The following FAT1 variants were observed in gnomAD, a reference collection of about 807,000 sequenced individuals.
FAT1 encodes protocadherin Fat 1.
Under a neutral mutation model 329.8 loss-of-function variants are expected in FAT1, and 171 were observed. That is an observed-to-expected ratio of 0.52 (90% CI 0.46 to 0.59). FAT1 has a LOEUF of 0.59. Among genes scored for constraint, FAT1 ranks in the 20% least tolerant of loss-of-function variants. The pLI is 0.00. For synonymous variants in FAT1, 2,233 were observed against 2,228.6 expected (o/e 1.00, Z -0.06); for missense variants, 5,672 against 5,774.4 (o/e 0.98, Z 0.57).
intron 2 of FAT1, among the ~76,000 whole-genome samples, chr4:186,672,470 T>G (rs1742774024): frequency 6.6e-6 from 1 of 152,142 alleles, no homozygotes; most frequent in South Asian, 2.1e-4. Context: ...GACCCAATCT[T>G]TCAAAACCAG....
At chr4:186,602,789 T>G (rs183515028) in intron 20 of FAT1, 114 bp downstream of exon 20, 329 of 1,165,108 alleles carry the variant, frequency 2.8e-4, no homozygotes, top group Non-Finnish European at 3.6e-4. Flanking sequence ...ACATCTGTCT[T>G]CTTACAATAA....
At chr4:186,682,079 G>T (rs1743235138) in intron 2 of FAT1, among the ~76,000 whole-genome samples, 1 of 152,134 alleles carries the variant, frequency 6.6e-6, no homozygotes, top group Non-Finnish European at 1.5e-5. Flanking sequence ...AAAATTATTA[G>T]TTGTCATATG....
intron 2 of FAT1, among the ~76,000 whole-genome samples, chr4:186,664,473 A>T (rs1036724734): frequency 4.6e-5 from 7 of 152,234 alleles, no homozygotes; most frequent in African/African-American, 1.7e-4. Flanking sequence ...GTTGGTATAG[A>T]AAAGTCCTCA....
rs751951255 is a variant in FAT1, at chr4:186,709,260, C to A, written c.568G>T (p.Asp190Tyr). 1.5e-5 allele frequency: 25 copies of A among 1,614,014 alleles called. No homozygotes were observed. In the South Asian group the frequency reaches 2.7e-4, roughly 18 times the overall value. Reference protein sequence around the residue: ...TNGEFYYSFKDRTDMFAIHPT... With the variant: ...TNGEFYYSFKYRTDMFAIHPT... Reference sequence around the variant, plus strand: ...TGAATAGCAAACATATCTGTTCGATCTTTAAAACTGTAGTAAAATTCCCCG... The same window carrying A: ...TGAATAGCAAACATATCTGTTCGATATTTAAAACTGTAGTAAAATTCCCCG... The change falls in exon 2 of 27, where the codon GAT becomes TAT. Residue 190 changes from aspartate (D) to tyrosine (Y), a missense_variant. Around this residue, in one of 2 missense-constraint regions of FAT1, gnomAD observed 3,966 missense variants for 3,915.2 expected, o/e 1.01. Coordinates refer to ENST00000441802, the MANE Select transcript of FAT1 (RefSeq NM_005245.4).
At chr4:186,667,360 AGACT>A (rs1358965739) in intron 2 of FAT1, among the ~76,000 whole-genome samples, 1 of 152,164 alleles carries the variant, frequency 6.6e-6, no homozygotes, top group Non-Finnish European at 1.5e-5. Flanking sequence ...CTAAAGGTTA[AGACT>A]GAGGCAACAA....
intron 16 of FAT1, among the ~76,000 whole-genome samples, chr4:186,607,581 CAT>C (rs1237777821): frequency 6.7e-6 from 1 of 150,224 alleles, no homozygotes; most frequent in Non-Finnish European, 1.5e-5. Flanking sequence ...TGGATGGACA[CAT>C]GACTGGATAG....
In FAT1 at chr4:186,706,834, A is replaced by T. The variant is rs376125596; in HGVS notation, c.2994T>A (p.Asn998Lys). 2 of 1,613,848 alleles carry T rather than the reference A, an allele frequency of 1.2e-6. No individual in the cohort carries two copies. The highest frequency in any genetic ancestry group is 1.7e-6 in the Non-Finnish European group (2 of 1,179,892). ...QLDFEKKQVY[N>K]LTVRAKDKGK... ...CCTTGTCTTTGGCCCTCACAGTGAG[A>T]TTATACACTTGCTTCTTCTCAAAGT... The change falls in exon 2 of 27, where the codon AAT becomes AAA. Residue 998 changes from asparagine (N) to lysine (K), a missense_variant. Coordinates refer to ENST00000441802, the MANE Select transcript of FAT1 (RefSeq NM_005245.4).
intron 11 of FAT1, among the ~76,000 whole-genome samples, chr4:186,616,310 C>G (rs971274141): frequency 6.6e-6 from 1 of 152,136 alleles, no homozygotes; most frequent in Non-Finnish European, 1.5e-5. Context: ...CCAGTTCACC[C>G]TTTTCCAAGA....
chr4:186,633,294 A>C (rs1740673246), intron 7 of FAT1, among the ~76,000 whole-genome samples: 1 of 152,128 alleles, frequency 6.6e-6, no homozygotes, highest in East Asian at 1.9e-4. Flanking sequence ...GGAGGAATCC[A>C]AAAAAAAGTG....
chr4:186,709,142 A>G lies in FAT1; in HGVS notation c.686T>C (p.Met229Thr), dbSNP rs2126701870. The G allele has an allele frequency of 6.2e-7, 1 of 1,613,932 alleles. No homozygotes were observed. The highest frequency in any genetic ancestry group is 8.5e-7 in the Non-Finnish European group (1 of 1,179,884). The stretch of plus-strand genomic sequence containing the variant: ...GATGCCACTGCTCCCATACAACTTC[A>G]TGCCACGGTCCGCAGCGAGGATTTC... Reference protein sequence around the residue: ...EMEILAADRGMKLYGSSGISS... With the variant: ...EMEILAADRGTKLYGSSGISS... The change falls in exon 2 of 27, where the codon ATG becomes ACG. Residue 229 changes from methionine to threonine, a missense_variant. Physicochemically the swap from Met to Thr is moderately conservative, Grantham distance 81. Transcript: ENST00000441802.
At chr4:186,655,231 A>G (rs1741848142) in intron 3 of FAT1, among the ~76,000 whole-genome samples, 1 of 152,144 alleles carries the variant, frequency 6.6e-6, no homozygotes, top group East Asian at 1.9e-4. Context: ...TAACTACTAA[A>G]CTTTTCTGAT....
chr4:186,669,365 G>A (rs1742629253), intron 2 of FAT1, among the ~76,000 whole-genome samples: 1 of 152,216 alleles, frequency 6.6e-6, no homozygotes, highest in African/African-American at 2.4e-5. Flanking sequence ...TCGTGATGCT[G>A]CTGCGTGATG....
chr4:186,590,010 A>C (rs1387700815), intron 26 of FAT1, among the ~76,000 whole-genome samples: 1 of 152,222 alleles, frequency 6.6e-6, no homozygotes, highest in Non-Finnish European at 1.5e-5. Flanking sequence ...GCAAAATACA[A>C]TTGAACAAGC....
chr4:186,605,638 G>C (rs529533398), intron 17 of FAT1, among the ~76,000 whole-genome samples: 31 of 138,896 alleles, frequency 2.2e-4, no homozygotes, highest in Non-Finnish European at 1.4e-4. Context: ...GAAGGAGGAG[G>C]AATGGAATGG....
Position 186,618,863 on chromosome 4 carries a change from CT to C in FAT1, c.7722del (p.Gly2575GlufsTer8), listed in dbSNP as rs766572519. On this transcript the variant is annotated frameshift_variant, in exon 10 of 27. Coordinates refer to ENST00000441802, the MANE Select transcript of FAT1 (RefSeq NM_005245.4). LOFTEE classifies it high-confidence loss of function. ...TTCACGGTGCAGAAAGCAACTTTTC[CT>C]CCAGCATCCTTAGCCATTAAACGGA... is the stretch of plus-strand genomic sequence containing the variant. ...ISVRLMAKDAGGKVAFCTVNV... is the reference protein window; with the variant it reads ...ISVRLMAKDAXGKVAFCTVNV... The C allele has an allele frequency of 1.2e-6, 2 of 1,614,008 alleles. No homozygotes were observed. Among genetic ancestry groups the C allele is most frequent in the Non-Finnish European group, 8.5e-7 (1 of 1,179,894 alleles).
chr4:186,621,772 T>C lies in FAT1; in HGVS notation c.4814A>G (p.Asn1605Ser). Residue 1605 changes from asparagine to serine, a missense_variant, in exon 10 of 27, where the codon AAT becomes AGT. Transcript: ENST00000441802. ...ATCAATCATAAAAGAATTTCCAATA[T>C]TTCCTGGAAGGAGAGGAAAAAATAC... ...AEVLYSIESG[N>S]IGNSFMIDPV... 1 of 1,551,856 alleles carries C rather than the reference T, an allele frequency of 6.4e-7. No individual in the cohort carries two copies. Among genetic ancestry groups the C allele is most frequent in the Non-Finnish European group, 8.7e-7 (1 of 1,150,386 alleles).
rs765124620 is a variant in FAT1 at position 186,589,029 on chromosome 4, C to T, written c.13330G>A (p.Ala4444Thr). 8.6e-5 allele frequency: 139 copies of T among 1,613,762 alleles called. No homozygotes were observed. Among genetic ancestry groups the T allele is most frequent in the Middle Eastern group, 3.3e-4 (2 of 6,060 alleles). The change falls in exon 27 of 27, where the codon GCA becomes ACA. Residue 4444 changes from alanine to threonine, a missense_variant. By Grantham distance (58) the Ala-to-Thr change is moderately conservative. Around this residue, in one of 2 missense-constraint regions of FAT1, gnomAD observed 1,706 missense variants for 1,859.1 expected, o/e 0.92. Coordinates refer to ENST00000441802, the MANE Select transcript of FAT1 (RefSeq NM_005245.4). ...DFPPPPEDFP[A>T]ADELPPLPPE... ...GGTAACGGTGGTAGCTCATCAGCTG[C>T]GGGGAAGTCTTCTGGGGGTGGAGGA...
At chr4:186,648,544 T>C (rs908023948) in intron 3 of FAT1, among the ~76,000 whole-genome samples, 3 of 152,104 alleles carry the variant, frequency 2.0e-5, no homozygotes, top group African/African-American at 7.2e-5. Flanking sequence ...ACTGTAAAAA[T>C]AAAGTTTGCT....
At chr4:186,689,555 C>T (rs549082817) in intron 2 of FAT1, among the ~76,000 whole-genome samples, 3 of 148,048 alleles carry the variant, frequency 2.0e-5, no homozygotes, top group African/African-American at 8.0e-5. Context: ...CTCACACACT[C>T]GCTTAACATC....
Sources: allele counts gnomAD v4.1 joint callset (sites outside exome capture counted in the v4.1 genomes callset), GRCh38; gene constraint gnomAD v4.1.1; regional missense constraint gnomAD v4.1.1; transcripts MANE v1.5; gene names NCBI Gene and HGNC (gene_info 2026-07-23, HGNC 2026-07-21).